Variants in CCDC27 observed in about 807,000 individuals in gnomAD.
CCDC27 encodes the protein coiled-coil domain containing 27.
A neutral mutation model predicts 80.3 loss-of-function variants in CCDC27; 80 were observed. That is an observed-to-expected ratio of 1.00 (90% CI 0.83 to 1.20). The LOEUF (loss-of-function observed/expected upper bound fraction) is 1.20. Among genes scored for constraint, CCDC27 ranks in the 50% most tolerant of loss-of-function variants. The pLI is 0.00. For synonymous variants in CCDC27, 342 were observed against 334.3 expected, an observed-to-expected ratio of 1.02 and a Z score of -0.25; for missense variants, 815 against 809.4, an observed-to-expected ratio of 1.01 and a Z score of -0.08.
At chr1:3,758,834 T>G (rs753634983) in intron 4 of CCDC27, among the ~76,000 whole-genome samples, 5 of 152,088 alleles carry the variant, frequency 3.3e-5, no homozygotes, top group Non-Finnish European at 7.4e-5. Context: ...TGAGCTCAAG[T>G]GATCCTCTTG....
chr1:3,755,321 C>T, intron 2 of CCDC27, 136 bp from the exon 3 acceptor site: 2 of 728,412 alleles, frequency 2.7e-6, no homozygotes, highest in East Asian at 2.5e-5. Context: ...TCAGCCCTTG[C>T]TCAGTCCCAT....
intron 8 of CCDC27, among the ~76,000 whole-genome samples, chr1:3,764,496 C>T (rs886740075): frequency 1.1e-4 from 16 of 152,130 alleles, no homozygotes; most frequent in Non-Finnish European, 7.3e-5. Flanking sequence ...CCACCGCCCC[C>T]CAACACACAC....
intron 4 of CCDC27, among the ~76,000 whole-genome samples, chr1:3,758,198 T>A (rs946204194): frequency 6.6e-5 from 10 of 152,254 alleles, no homozygotes; most frequent in East Asian, 3.9e-4. Context: ...TTAATTTATT[T>A]ATTTATTTTT....
intron 1 of CCDC27, among the ~76,000 whole-genome samples, chr1:3,753,171 G>C (rs1239564248): frequency 6.6e-6 from 1 of 152,124 alleles, no homozygotes; most frequent in African/African-American, 2.4e-5. Flanking sequence ...GAGTGAAGGG[G>C]AGAAAATGTG....
chr1:3,763,837 G>A lies in CCDC27; in HGVS notation c.1452+1G>A, dbSNP rs748281576. 8.1e-6 allele frequency: 13 copies of A among 1,613,776 alleles called. No homozygotes were observed. In the East Asian group the frequency reaches 1.3e-4, roughly 17 times the overall value. On this transcript the variant is annotated splice_donor_variant, in intron 8 of 11. Coordinates refer to ENST00000294600, the MANE Select transcript of CCDC27 (RefSeq NM_152492.3). LOFTEE classifies it high-confidence loss of function. This position sits in a 1 kb window ranked among gnomAD's most constrained non-coding sequence, Gnocchi z 7.5. ...GCAGCTACAAGCCATGACCGACAAG[G>A]TGGCCGTGCGCTCAGTACCGGCCTC...
chr1:3,767,189 G>T, intron 9 of CCDC27, 44 bp from the exon 10 acceptor site: 1 of 1,583,862 alleles, frequency 6.3e-7, no homozygotes, highest in South Asian at 1.1e-5. Flanking sequence ...TACTCAGGTT[G>T]GGCGAAATGA....
At chr1:3,767,937 CT>C (rs1288243037) in intron 10 of CCDC27, among the ~76,000 whole-genome samples, 1 of 152,168 alleles carries the variant, frequency 6.6e-6, no homozygotes, top group African/African-American at 2.4e-5. Context: ...AACAGTCCCC[CT>C]GGACAGCAGA....
intron 1 of CCDC27, among the ~76,000 whole-genome samples, chr1:3,753,207 C>G (rs1642865661): frequency 6.6e-6 from 1 of 152,136 alleles, no homozygotes; most frequent in African/African-American, 2.4e-5. Context: ...CAGTCAGGTA[C>G]GCTGTGCCAC....
intron 4 of CCDC27, among the ~76,000 whole-genome samples, chr1:3,759,101 C>T (rs1235254089): frequency 6.6e-6 from 1 of 151,820 alleles, no homozygotes. Context: ...CCAGTAATCC[C>T]AGCTACTTGG....
intron 1 of CCDC27, 40 bp from the exon 2 acceptor site, chr1:3,754,077 AG>A: frequency 6.2e-7 from 1 of 1,605,046 alleles, no homozygotes; most frequent in Non-Finnish European, 8.5e-7. Flanking sequence ...GCCTACAGTC[AG>A]GGGCCTTCCT....
In CCDC27 at chr1:3,769,883, T is replaced by G. The variant is rs1201206127; in HGVS notation, c.1844T>G (p.Leu615Arg). Reference sequence around the variant, plus strand: ...TCTGACAATGACATCCTGGAAGCCCTGCAGGTATACCCCTAAGCTCAGCTG... The same window carrying G: ...TCTGACAATGACATCCTGGAAGCCCGGCAGGTATACCCCTAAGCTCAGCTG... The part of the protein sequence containing the change: ...EISDNDILEA[L>R]QRIISERSDY... The change falls in exon 11 of 12, where the codon CTG becomes CGG. Residue 615 changes from leucine to arginine, a missense_variant. Leu to Arg is a moderately radical substitution (Grantham distance 102). Transcript: ENST00000294600. The surrounding 1 kb of genome is among the most constrained non-coding windows in gnomAD (Gnocchi z 4.6). 1.2e-6 allele frequency: 2 copies of G among 1,612,434 alleles called. No individual in the cohort carries two copies. The highest frequency in any genetic ancestry group is 1.3e-5 in the African/African-American group (1 of 74,964).
intron 2 of CCDC27, 76 bp from the exon 3 acceptor site, chr1:3,755,381 A>C (rs1642925835): frequency 4.0e-6 from 5 of 1,256,890 alleles, no homozygotes; most frequent in Non-Finnish European, 5.8e-6. Context: ...TTTAAGGATA[A>C]ATAAGAGTCT....
chr1:3,754,074 G>C (rs745772584), intron 1 of CCDC27, 44 bp from the exon 2 acceptor site: 2 of 1,604,394 alleles, frequency 1.2e-6, no homozygotes, highest in Non-Finnish European at 1.7e-6. Context: ...CTGGCCTACA[G>C]TCAGGGGCCT....
chr1:3,770,624 C>T (rs759558248), intron 11 of CCDC27, among the ~76,000 whole-genome samples: 1 of 152,228 alleles, frequency 6.6e-6, no homozygotes, highest in Non-Finnish European at 1.5e-5. Flanking sequence ...AAGACCCACA[C>T]TTCACCCTCT....
Position 3,763,374 on chromosome 1 carries a change from T to C in CCDC27, c.1221T>C (p.Phe407=). 1 of 1,612,866 alleles carries C rather than the reference T, an allele frequency of 6.2e-7. No homozygotes were observed. Among genetic ancestry groups the C allele is most frequent in the Non-Finnish European group, 8.5e-7 (1 of 1,179,956 alleles). The change falls in exon 7 of 12, where the codon TTT becomes TTC. Residue 407 remains phenylalanine, a synonymous_variant. Transcript: ENST00000294600. The surrounding 1 kb of genome is among the most constrained non-coding windows in gnomAD (Gnocchi z 7.5). The part of the protein sequence containing the change: ...RRRASSLAES[F]EEELLAQLEE... ...GGGCCTCCTCCCTGGCCGAGTCGTT[T>C]GAGGAGGAGCTGCTGGCCCAGCTGG... is the stretch of plus-strand genomic sequence containing the variant.
chr1:3,756,643 C>T (rs757847884), intron 3 of CCDC27, 90 bp from the exon 4 acceptor site: 6 of 1,432,778 alleles, frequency 4.2e-6, no homozygotes, highest in Non-Finnish European at 5.8e-6. Context: ...CGAGGGAAGT[C>T]TCGGAAGGGT....
chr1:3,755,640 G>GACC, intron 3 of CCDC27, 73 bp downstream of exon 3: 2 of 1,259,006 alleles, frequency 1.6e-6, no homozygotes, highest in African/African-American at 1.5e-5. Flanking sequence ...TTGCAGGGTC[G>GACC]CTGCTTGTGC....
intron 4 of CCDC27, 189 bp downstream of exon 4, chr1:3,757,079 C>A: frequency 1.7e-6 from 1 of 601,188 alleles, no homozygotes; most frequent in South Asian, 2.2e-5. Context: ...TCCATCCTCA[C>A]CCCAGTGGGT....
At chr1:3,762,585 G>A (rs1380044748) in intron 5 of CCDC27, 35 bp from the exon 6 acceptor site, 9 of 1,529,200 alleles carry the variant, frequency 5.9e-6, no homozygotes, top group Non-Finnish European at 8.0e-6. Flanking sequence ...TGCAGGAGGG[G>A]CTGGAAAGCT....
Sources: gnomAD v4.1 joint callset for allele counts (sites outside exome capture counted in the v4.1 genomes callset) on GRCh38, gnomAD v4.1.1 for gene constraint, Gnocchi (gnomAD v3.1) non-coding constraint, MANE v1.5 for transcripts, NCBI Gene and HGNC (gene_info 2026-07-23, HGNC 2026-07-21) for gene names.